The following MYH14 variants were observed in gnomAD, a reference collection of about 807,000 sequenced individuals.
The protein encoded by MYH14 is myosin heavy chain 14.
Under a neutral mutation model 255.5 loss-of-function variants are expected in MYH14, and 123 were observed. The observed-to-expected ratio is 0.48, with a 90% CI of 0.42 to 0.56. The LOEUF (loss-of-function observed/expected upper bound fraction) is 0.56. Ranked by LOEUF, MYH14 falls within the 20% of genes least tolerant of loss-of-function variation. The probability of loss-of-function intolerance (pLI) is 0.00; values close to 1 mark genes in which losing one functional copy is unlikely to be tolerated. For synonymous variants in MYH14, 1,095 were observed against 1,161.2 expected, an observed-to-expected ratio of 0.94 and a Z score of 1.16; for missense variants, 2,423 against 2,802.3, an observed-to-expected ratio of 0.86 and a Z score of 3.06.
At chr19:50,212,835 A>G (rs1316219136) in intron 2 of MYH14, among the ~76,000 whole-genome samples, 1 of 151,958 alleles carries the variant, frequency 6.6e-6, no homozygotes, top group East Asian at 1.9e-4. Context: ...CAAATCCTCA[A>G]ACACCTTTAC....
chr19:50,228,547 A>T (rs1436995287), intron 8 of MYH14, among the ~76,000 whole-genome samples: 1 of 152,020 alleles, frequency 6.6e-6, no homozygotes, highest in Admixed American at 6.5e-5. Context: ...CACCACCCCA[A>T]GTCCCCAGCA....
chr19:50,255,374 G>A, intron 17 of MYH14, 56 bp downstream of exon 17: 1 of 1,358,296 alleles, frequency 7.4e-7, no homozygotes, highest in East Asian at 2.5e-5. Flanking sequence ...GGGTGGACCT[G>A]TTGGGCTGGG....
intron 27 of MYH14, among the ~76,000 whole-genome samples, chr19:50,273,347 T>G (rs2035384972): frequency 6.8e-6 from 1 of 146,012 alleles, no homozygotes; most frequent in Non-Finnish European, 1.5e-5. Context: ...CTGCTTGGCC[T>G]CCCCACACCA....
At chr19:50,233,231 G>A (rs1292525638) in intron 10 of MYH14, among the ~76,000 whole-genome samples, 1 of 151,946 alleles carries the variant, frequency 6.6e-6, no homozygotes, top group Non-Finnish European at 1.5e-5. Context: ...ATGCAGTGGT[G>A]TGATCTCAGC....
chr19:50,302,398 A>G (rs2036519807), intron 40 of MYH14, among the ~76,000 whole-genome samples: 2 of 151,710 alleles, frequency 1.3e-5, no homozygotes, highest in Non-Finnish European at 2.9e-5. Flanking sequence ...CCTAGCCAAC[A>G]TGGTGAAACC....
chr19:50,308,768 G>T, intron 41 of MYH14: 1 of 540,862 alleles, frequency 1.8e-6, no homozygotes. Context: ...TCAGCTCTGG[G>T]TATAGGAAGA....
At chr19:50,297,400 G>A (rs1189082894) in intron 39 of MYH14, among the ~76,000 whole-genome samples, 1 of 150,070 alleles carries the variant, frequency 6.7e-6, no homozygotes, top group Non-Finnish European at 1.5e-5. Flanking sequence ...GGCAGTCCCT[G>A]CTGTTTCTTC....
rs1224570911 is a variant in MYH14, at chr19:50,210,715, A to G, written c.350A>G (p.Asn117Ser). 3.2e-6 allele frequency: 5 copies of G among 1,578,142 alleles called. No homozygotes were observed. The South Asian group carries it at 4.6e-5, about 15-fold the overall frequency. The change falls in exon 2 of 43, where the codon AAC becomes AGC. Residue 117 changes from asparagine to serine, a missense_variant. Coordinates refer to ENST00000642316, the MANE Select transcript of MYH14 (RefSeq NM_001145809.2). The stretch of plus-strand genomic sequence containing the variant: ...GACATGGCCGAGCTGACCTGCCTCA[A>G]CGAGGCCTCGGTCCTGCACAACCTC... ...AEDMAELTCL[N>S]EASVLHNLRE... is the part of the protein sequence containing the mutation.
intron 15 of MYH14, among the ~76,000 whole-genome samples, chr19:50,251,506 TATATATATACACACTACACACACACAC>T (rs1568500347): frequency 0.061 from 7,632 of 124,718 alleles, 259 homozygotes; most frequent in Middle Eastern, 0.11. Context: ...TATACACACA[TATATATATACACACTACACACACACAC>T]ACACACACAC....
Position 50,231,995 on chromosome 19 carries a change from G to A in MYH14, c.1039G>A (p.Gly347Ser), listed in dbSNP as rs775868764. The A allele has an allele frequency of 4.0e-5, 65 of 1,613,702 alleles. No individual in the cohort carries two copies. The highest frequency in any genetic ancestry group is 2.1e-4 in the South Asian group (19 of 91,088). ...FLTNGPSSSP[G>S]QERELFQETL... ...GACCAACGGGCCGTCATCCTCTCCCGGCCAGGAGCGGGAACTCTTCCAGGA... is the reference window on the plus strand; with the variant it reads ...GACCAACGGGCCGTCATCCTCTCCCAGCCAGGAGCGGGAACTCTTCCAGGA... Residue 347 changes from glycine (G) to serine (S), a missense_variant, in exon 10 of 43, where the codon GGC becomes AGC. Physicochemically the swap from Gly to Ser is moderately conservative, Grantham distance 56. Around this residue, in one of 3 missense-constraint regions of MYH14, gnomAD observed 672 missense variants for 881.8 expected, o/e 0.76. Coordinates refer to ENST00000642316, the MANE Select transcript of MYH14 (RefSeq NM_001145809.2).
chr19:50,210,336 C>A, intron 1 of MYH14, 27 bp from the exon 2 acceptor site: 1 of 1,563,058 alleles, frequency 6.4e-7, no homozygotes, highest in Non-Finnish European at 8.7e-7. Flanking sequence ...CCCATCTGAC[C>A]CCCACCCTCT....
chr19:50,229,801 C>G (rs2033284775), intron 8 of MYH14, among the ~76,000 whole-genome samples: 1 of 152,128 alleles, frequency 6.6e-6, no homozygotes, highest in South Asian at 2.1e-4. Context: ...TGGGAGAGTA[C>G]TAATGGCAGG....
In MYH14 at chr19:50,230,652, AC is replaced by A; in HGVS notation, c.973+32del. On this transcript the variant is annotated intron_variant, in intron 9 of 42. Transcript: ENST00000642316. The surrounding 1 kb of genome is among the most constrained non-coding windows in gnomAD (Gnocchi z 4.7). ...AGTGCCGCCCCGTCCTACCCTGCTC[AC>A]CCGGGAGAGGGTGGGCACCATGTCT... 6.5e-7 allele frequency: 1 copy of A among 1,540,268 alleles called. No homozygotes were observed.
chr19:50,282,223 C>T (rs1485426328), intron 33 of MYH14, among the ~76,000 whole-genome samples: 2 of 152,182 alleles, frequency 1.3e-5, no homozygotes, highest in Non-Finnish European at 2.9e-5. Flanking sequence ...AGCTTCAGTT[C>T]GCCCATCTGG....
At chr19:50,223,946 A>G (rs2032970639) in intron 5 of MYH14, among the ~76,000 whole-genome samples, 1 of 152,098 alleles carries the variant, frequency 6.6e-6, no homozygotes, top group African/African-American at 2.4e-5. Flanking sequence ...CATCGCTACA[A>G]AAAACATTTT....
chr19:50,281,884 C>T (rs2035738246), intron 33 of MYH14, 42 bp downstream of exon 33: 1 of 1,588,784 alleles, frequency 6.3e-7, no homozygotes, highest in South Asian at 1.1e-5. Context: ...TCAGCAAGTC[C>T]ATCTACGCTT....
chr19:50,281,773 C>T lies in MYH14; in HGVS notation c.4470C>T (p.Ala1490=). 3 of 1,612,658 alleles carry T rather than the reference C, an allele frequency of 1.9e-6. No homozygotes were observed. The highest frequency in any genetic ancestry group is 2.5e-6 in the Non-Finnish European group (3 of 1,179,788). The part of the protein sequence containing the change: ...RRRLQQELDD[A]TMDLEQQRQL... Reference sequence around the variant, plus strand: ...GGCTGCAGCAGGAGCTGGACGACGCCACCATGGACCTGGAGCAGCAGCGGC... The same window carrying T: ...GGCTGCAGCAGGAGCTGGACGACGCTACCATGGACCTGGAGCAGCAGCGGC... Residue 1490 remains alanine (A), a synonymous_variant, in exon 33 of 43, where the codon GCC becomes GCT. Coordinates refer to ENST00000642316, the MANE Select transcript of MYH14 (RefSeq NM_001145809.2).
Position 50,217,876 on chromosome 19 carries a change from T to G in MYH14, c.562+105T>G. ...CCAGGTCAAATGACAGCTTGTAGAC[T>G]TGACTCTGTAGGGCTTCTTAGGGGG... is the stretch of plus-strand genomic sequence containing the variant. On this transcript the variant is annotated intron_variant, in intron 3 of 42. Coordinates refer to ENST00000642316, the MANE Select transcript of MYH14 (RefSeq NM_001145809.2). The G allele has an allele frequency of 2.1e-6, 3 of 1,418,050 alleles. No homozygotes were observed. In the East Asian group the frequency reaches 6.9e-5, roughly 33 times the overall value. The allele number at this position is 1,418,050 out of a possible 1,614,324, so 87.8% of individuals were successfully genotyped here.
In MYH14 at chr19:50,263,168, C is replaced by T. The variant is rs2034950945; in HGVS notation, c.2586-144C>T. ...GAGCCCAGATCATGCCATTGCACTC[C>T]AGCCTAGGCAACAGAGCAAGACTCT... On this transcript the variant is annotated intron_variant, in intron 21 of 42. Transcript: ENST00000642316. The T allele has an allele frequency of 9.2e-6, 5 of 541,750 alleles. No homozygotes were observed. In the East Asian group the frequency reaches 1.3e-4, roughly 14 times the overall value. 33.6% of individuals were successfully genotyped at this position (541,750 alleles called of 1,614,324 possible). A position where few individuals can be genotyped will look rare whatever the true frequency, so the allele number is the denominator to read the frequency against.
Sources: gnomAD v4.1 joint callset for allele counts (sites outside exome capture counted in the v4.1 genomes callset) on GRCh38, gnomAD v4.1.1 for gene constraint, gnomAD v4.1.1 regional missense constraint, Gnocchi (gnomAD v3.1) non-coding constraint, MANE v1.5 for transcripts, NCBI Gene and HGNC (gene_info 2026-07-23, HGNC 2026-07-21) for gene names.